The following KNDC1 variants were observed in gnomAD, a reference collection of about 807,000 sequenced individuals.
KNDC1 encodes kinase non-catalytic C-lobe domain containing 1, also known as kinase non-catalytic C-lobe domain-containing protein 1.
In KNDC1, 106 loss-of-function variants were observed where a neutral mutation model predicts 172.8. That is an observed-to-expected ratio of 0.61 (90% confidence interval 0.52 to 0.72). KNDC1 has a LOEUF of 0.72. Ranked by LOEUF, KNDC1 falls within the 30% of genes least tolerant of loss-of-function variation. The pLI is 0.00. For synonymous variants in KNDC1, 1,083 were observed against 1,062.2 expected, an observed-to-expected ratio of 1.02 and a Z score of -0.38; for missense variants, 2,325 against 2,394.5, an observed-to-expected ratio of 0.97 and a Z score of 0.61.
At chr10:133,222,636 T>A (rs1330576930) in intron 29 of KNDC1, among the ~76,000 whole-genome samples, 1 of 24,994 alleles carries the variant, frequency 4.0e-5, no homozygotes, top group African/African-American at 9.6e-5. Flanking sequence ...TCTGTGTGTG[T>A]GTGAGAGCCC....
In KNDC1 at chr10:133,212,764, C is replaced by T. The variant is rs1845394850; in HGVS notation, c.4285C>T (p.His1429Tyr). 1 of 1,613,848 alleles carries T rather than the reference C, an allele frequency of 6.2e-7. No homozygotes were observed. Among genetic ancestry groups the T allele is most frequent in the Non-Finnish European group, 8.5e-7 (1 of 1,179,922 alleles). The change falls in exon 24 of 30, where the codon CAC becomes TAC. Residue 1429 changes from histidine to tyrosine, a missense_variant. His to Tyr is a moderately conservative substitution (Grantham distance 83). Coordinates refer to ENST00000304613, the MANE Select transcript of KNDC1 (RefSeq NM_152643.8). ...AGGCAACGGGCTGGTGCTGCCGCCA[C>T]ACAAGGAGCGCCCCTACACCATTGC... ...PRGNGLVLPP[H>Y]KERPYTIAAA...
chr10:133,168,407 TCTGCAAGTGGC>T, intron 3 of KNDC1, 95 bp downstream of exon 3: 7 of 1,289,876 alleles, frequency 5.4e-6, no homozygotes, highest in Non-Finnish European at 7.9e-6. Context: ...TGGGGCGACC[TCTGCAAGTGGC>T]CTCTGGCCGG....
chr10:133,222,536 C>CATGTGTGT (rs1554922361), intron 29 of KNDC1, among the ~76,000 whole-genome samples: 2 of 20,100 alleles, frequency 1.0e-4, no homozygotes, highest in Non-Finnish European at 2.6e-4. Context: ...CTCTTCCCGG[C>CATGTGTGT]GTGTGTGTGT....
intron 21 of KNDC1, 85 bp downstream of exon 21, chr10:133,210,809 A>T: frequency 8.7e-7 from 1 of 1,148,860 alleles, no homozygotes; most frequent in Non-Finnish European, 1.3e-6. Flanking sequence ...GCCACCATGA[A>T]GAACGAGGTG....
chr10:133,205,419 G>A (rs1051602530), intron 17 of KNDC1, among the ~76,000 whole-genome samples: 2 of 152,246 alleles, frequency 1.3e-5, no homozygotes, highest in Non-Finnish European at 2.9e-5. Context: ...ACAGCCCTGG[G>A]GATGAGGTCC....
At chr10:133,180,473 C>T (rs1157945095) in intron 3 of KNDC1, among the ~76,000 whole-genome samples, 3 of 152,250 alleles carry the variant, frequency 2.0e-5, no homozygotes, top group East Asian at 1.9e-4. Context: ...CCGGAGGGTG[C>T]CCTCCAAGTT....
chr10:133,174,922 T>G (rs1035957521), intron 3 of KNDC1, among the ~76,000 whole-genome samples: 1 of 150,396 alleles, frequency 6.6e-6, no homozygotes, highest in Non-Finnish European at 1.5e-5. Flanking sequence ...GATGTGTGGA[T>G]GGGTGGGTGG....
intron 17 of KNDC1, among the ~76,000 whole-genome samples, chr10:133,206,451 C>T (rs113316800): frequency 9.2e-5 from 14 of 152,330 alleles, no homozygotes; most frequent in African/African-American, 3.1e-4. Flanking sequence ...AGGGAGCAGT[C>T]GGCCCCAAGC....
At chr10:133,214,179 G>T in intron 26 of KNDC1, 57 bp downstream of exon 26, 10 of 1,589,996 alleles carry the variant, frequency 6.3e-6, no homozygotes, top group South Asian at 4.4e-5. Context: ...CTACGCGGGG[G>T]TGGCAGCGCC....
chr10:133,194,791 G>A (rs1258286530), intron 9 of KNDC1, among the ~76,000 whole-genome samples: 2 of 152,198 alleles, frequency 1.3e-5, no homozygotes. Flanking sequence ...TTGACTCTCT[G>A]GACTTACTGA....
At position 133,211,756 on chromosome 10, in the gene KNDC1, C is replaced by T. The variant is rs142460427; in HGVS notation, c.4134C>T (p.Asn1378=). The T allele has an allele frequency of 3.1e-4, 506 of 1,609,960 alleles. 1 individual carries two copies. Among genetic ancestry groups the T allele is most frequent in the Non-Finnish European group, 4.0e-4 (473 of 1,179,004 alleles). ...EVGMDRRAEG[N]PRGTDLENPR... ...GCATGGACCGGCGGGCCGAGGGCAA[C>T]CCTCGCGGCACAGACCTGGAGAACC... The change falls in exon 23 of 30, where the codon AAC becomes AAT. Residue 1378 remains asparagine, a synonymous_variant. Transcript: ENST00000304613.
At chr10:133,177,838 C>T (rs1564878694) in intron 3 of KNDC1, among the ~76,000 whole-genome samples, 1 of 151,540 alleles carries the variant, frequency 6.6e-6, no homozygotes, top group South Asian at 2.1e-4. Context: ...TGTGTGCGTG[C>T]ATGCATGTAG....
chr10:133,186,489 C>A lies in KNDC1; in HGVS notation c.1141C>A (p.Arg381Ser). The A allele has an allele frequency of 1.2e-6, 2 of 1,612,218 alleles. No individual in the cohort carries two copies. The highest frequency in any genetic ancestry group is 1.7e-6 in the Non-Finnish European group (2 of 1,179,690). ...HQLGRVPCAGRSTDRGPGVPG... is the reference protein window; with the variant it reads ...HQLGRVPCAGSSTDRGPGVPG... ...GCTGGGACGGGTTCCCTGTGCAGGCCGCAGCACGGACAGGGGCCCTGGGGT... is the reference window on the plus strand; with the variant it reads ...GCTGGGACGGGTTCCCTGTGCAGGCAGCAGCACGGACAGGGGCCCTGGGGT... The change falls in exon 6 of 30, where the codon CGC becomes AGC. Residue 381 changes from arginine (R) to serine (S), a missense_variant. Arg to Ser is a moderately radical substitution (Grantham distance 110). Transcript: ENST00000304613.
chr10:133,222,462 TGA>T (rs1449187800), intron 29 of KNDC1, among the ~76,000 whole-genome samples: 4,651 of 41,866 alleles, frequency 0.11, 575 homozygotes, highest in East Asian at 0.21. Flanking sequence ...TGTGTGTGTG[TGA>T]GAGCCCATCC....
intron 1 of KNDC1, among the ~76,000 whole-genome samples, chr10:133,165,135 G>A (rs1853106914): frequency 6.6e-6 from 1 of 152,218 alleles, no homozygotes. Flanking sequence ...GCCCCAGAGA[G>A]GCTGAGACCA....
rs537753764 is a variant in KNDC1, at chr10:133,207,769, C to T, written c.3794+418C>T. On this transcript the variant is annotated intron_variant, in intron 20 of 29. Transcript: ENST00000304613. Reference sequence around the variant, plus strand: ...GCTGGGGTGTTTCTGCAGCCCCCTCCACTCGGTGTGCACACTGGCTCAGGA... The same window carrying T: ...GCTGGGGTGTTTCTGCAGCCCCCTCTACTCGGTGTGCACACTGGCTCAGGA... Among the ~76,000 whole-genome samples the T allele has an allele frequency of 1.4e-4, 22 of 152,372 alleles. No homozygotes were observed. The South Asian group carries it at 4.1e-3, about 29-fold the overall frequency.
At chr10:133,204,145 C>T (rs1854457436) in intron 17 of KNDC1, among the ~76,000 whole-genome samples, 1 of 152,206 alleles carries the variant, frequency 6.6e-6, no homozygotes, top group African/African-American at 2.4e-5. Context: ...ACGTGGCCAC[C>T]ACCATCCTCA....
In KNDC1 at chr10:133,198,410, TGAA is replaced by T; in HGVS notation, c.1985_1987del (p.Glu662del). ...CCGTGCCCGGCCAGCACCCCTGCGG[TGAA>T]GAAGCCACCCAGCTGCCTGCAGCGT... On this transcript the variant is annotated inframe_deletion, in exon 13 of 30. Transcript: ENST00000304613. The T allele has an allele frequency of 6.2e-7, 1 of 1,601,804 alleles. No individual in the cohort carries two copies. The highest frequency in any genetic ancestry group is 8.5e-7 in the Non-Finnish European group (1 of 1,175,044).
At chr10:133,182,602 A>C (rs1238500061) in intron 3 of KNDC1, among the ~76,000 whole-genome samples, 1 of 152,264 alleles carries the variant, frequency 6.6e-6, no homozygotes, top group Non-Finnish European at 1.5e-5. Context: ...GGCCGTGTCC[A>C]GGGTGGACCT....
Sources: allele counts gnomAD v4.1 joint callset (sites outside exome capture counted in the v4.1 genomes callset), GRCh38; gene constraint gnomAD v4.1.1; transcripts MANE v1.5; gene names NCBI Gene and HGNC (gene_info 2026-07-23, HGNC 2026-07-21).